Variants in WDFY3 observed in about 807,000 individuals in gnomAD.
WDFY3 encodes the protein WD repeat and FYVE domain containing 3.
In WDFY3, 66 loss-of-function variants were observed where a neutral mutation model predicts 409.6. That is an observed-to-expected ratio of 0.16 (90% CI 0.13 to 0.20). WDFY3 has a LOEUF of 0.20. WDFY3 is among the 10% of genes least tolerant of loss of function. The pLI is 1.00. For synonymous variants in WDFY3, 1,521 were observed against 1,537.1 expected, an observed-to-expected ratio of 0.99 and a Z score of 0.25; for missense variants, 3,031 against 4,298.1, an observed-to-expected ratio of 0.71 and a Z score of 8.24.
At chr4:84,797,356 T>C (rs1338681285) in intron 18 of WDFY3, among the ~76,000 whole-genome samples, 2 of 152,170 alleles carry the variant, frequency 1.3e-5, no homozygotes, top group Middle Eastern at 3.4e-3. Flanking sequence ...TCTAAACAGA[T>C]TGTCATTATC....
intron 30 of WDFY3, among the ~76,000 whole-genome samples, chr4:84,770,593 A>C (rs1335367208): frequency 6.6e-6 from 1 of 152,188 alleles, no homozygotes. Flanking sequence ...TGTACCTGTA[A>C]ACTGTCCTTT....
chr4:84,834,714 A>G (rs1044267183), intron 7 of WDFY3, among the ~76,000 whole-genome samples: 3 of 152,208 alleles, frequency 2.0e-5, no homozygotes. Flanking sequence ...ACTCTGTTAC[A>G]AAAGTCCAAC....
intron 47 of WDFY3, among the ~76,000 whole-genome samples, chr4:84,718,934 G>C (rs1734404382): frequency 1.3e-5 from 2 of 152,210 alleles, no homozygotes; most frequent in African/African-American, 2.4e-5. Flanking sequence ...CATGTAAGGA[G>C]ATTAGAATAG....
At chr4:84,802,105 G>T (rs1348213379) in intron 16 of WDFY3, among the ~76,000 whole-genome samples, 2 of 151,542 alleles carry the variant, frequency 1.3e-5, no homozygotes, top group African/African-American at 4.8e-5. Context: ...CCACCACCAC[G>T]CCCAGTTAAC....
chr4:84,791,549 T>C (rs1337092951), intron 21 of WDFY3, among the ~76,000 whole-genome samples: 2 of 152,318 alleles, frequency 1.3e-5, no homozygotes, highest in South Asian at 2.1e-4. Context: ...CAATAATGTG[T>C]TGTTAACTTT....
Position 84,778,535 on chromosome 4 carries a change from T to C in WDFY3, c.4486A>G (p.Thr1496Ala), listed in dbSNP as rs1323057994. The C allele has an allele frequency of 1.2e-6, 2 of 1,607,026 alleles. No homozygotes were observed. Among genetic ancestry groups the C allele is most frequent in the African/African-American group, 1.3e-5 (1 of 74,684 alleles). ...GHETSIIPNS[T>A]AFQDLLCDFE... ...TCACAGAGGAGGTCCTGGAAAGCAG[T>C]TGAATTTGGAATAATGGAGGTCTCA... The change falls in exon 27 of 68, where the codon ACT becomes GCT. Residue 1496 changes from threonine (T) to alanine (A), a missense_variant. Physicochemically the swap from Thr to Ala is moderately conservative, Grantham distance 58. Transcript: ENST00000295888.
intron 65 of WDFY3, 106 bp downstream of exon 65, chr4:84,678,813 G>T: frequency 7.9e-7 from 1 of 1,266,598 alleles, no homozygotes; most frequent in Non-Finnish European, 1.1e-6. Flanking sequence ...AGCTCACGGG[G>T]CACATCCAGG....
At chr4:84,744,681 G>A (rs1244990758) in intron 36 of WDFY3, among the ~76,000 whole-genome samples, 3 of 150,814 alleles carry the variant, frequency 2.0e-5, no homozygotes, top group African/African-American at 4.9e-5. Flanking sequence ...GTGAAACCCC[G>A]TCTCTACTAA....
chr4:84,825,910 C>T (rs1241596620), intron 10 of WDFY3, among the ~76,000 whole-genome samples: 1 of 151,952 alleles, frequency 6.6e-6, no homozygotes, highest in Non-Finnish European at 1.5e-5. Flanking sequence ...GATTACTGTG[C>T]ATTTTTTGAA....
At chr4:84,680,665 T>C (rs1212140615) in intron 64 of WDFY3, among the ~76,000 whole-genome samples, 3 of 152,202 alleles carry the variant, frequency 2.0e-5, no homozygotes, top group Non-Finnish European at 4.4e-5. Context: ...ATGGAAAATA[T>C]TTGGGGAAAT....
intron 3 of WDFY3, among the ~76,000 whole-genome samples, chr4:84,882,760 G>GA (rs893256188): frequency 6.6e-6 from 1 of 151,448 alleles, no homozygotes; most frequent in Non-Finnish European, 1.5e-5. Context: ...TGTCACCCAG[G>GA]ATGGTATGCA....
chr4:84,768,761 A>C (rs966290439), intron 30 of WDFY3, among the ~76,000 whole-genome samples: 1 of 152,178 alleles, frequency 6.6e-6, no homozygotes. Flanking sequence ...TCAAGGAGTA[A>C]TCTTGACTTT....
chr4:84,737,028 G>A (rs1370340037), intron 41 of WDFY3, among the ~76,000 whole-genome samples, 156 bp downstream of exon 41: 1 of 149,998 alleles, frequency 6.7e-6, no homozygotes, highest in Admixed American at 6.6e-5. Context: ...AGAGAACTAA[G>A]ATCTCAGTAT....
intron 5 of WDFY3, among the ~76,000 whole-genome samples, chr4:84,843,392 T>G (rs758307717): frequency 2.6e-5 from 4 of 152,170 alleles, no homozygotes; most frequent in Non-Finnish European, 5.9e-5. Flanking sequence ...TTCAAAGGCA[T>G]CTCCCACTTT....
intron 7 of WDFY3, among the ~76,000 whole-genome samples, chr4:84,835,677 ACCAAACAGAGTCAT>A (rs1756467544): frequency 6.6e-6 from 1 of 152,170 alleles, no homozygotes; most frequent in African/African-American, 2.4e-5. Context: ...TAGCAGCTCT[ACCAAACAGAGTCAT>A]CCTTACAGTA....
intron 7 of WDFY3, among the ~76,000 whole-genome samples, chr4:84,833,808 C>T (rs1368941767): frequency 6.6e-6 from 1 of 152,120 alleles, no homozygotes; most frequent in African/African-American, 2.4e-5. Flanking sequence ...CTAGGCCTTC[C>T]TTTTCCTATT....
intron 2 of WDFY3, among the ~76,000 whole-genome samples, chr4:84,918,612 C>T (rs1768825301): frequency 6.6e-6 from 1 of 151,768 alleles, no homozygotes; most frequent in South Asian, 2.1e-4. Context: ...AATTCTGAAA[C>T]CATTTTAGAT....
intron 4 of WDFY3, among the ~76,000 whole-genome samples, chr4:84,853,079 A>C (rs578256254): frequency 9.2e-4 from 140 of 151,976 alleles, no homozygotes; most frequent in Non-Finnish European, 1.6e-3. Flanking sequence ...ATTCTTTAAC[A>C]AACTGAAGAC....
chr4:84,682,937 GCA>G (rs1560521274), intron 63 of WDFY3: 1 of 157,926 alleles, frequency 6.3e-6, no homozygotes, highest in Non-Finnish European at 1.4e-5. Context: ...AGCCGAGATT[GCA>G]CCACTACACT....
Sources: allele counts gnomAD v4.1 joint callset (sites outside exome capture counted in the v4.1 genomes callset), GRCh38; gene constraint gnomAD v4.1.1; transcripts MANE v1.5; gene names NCBI Gene and HGNC (gene_info 2026-07-23, HGNC 2026-07-21).